Variants in DNAAF9 observed in about 807,000 individuals in gnomAD.
DNAAF9 encodes shulin.
A neutral mutation model predicts 167.0 loss-of-function variants in DNAAF9; 90 were observed. The ratio of observed to expected loss-of-function variants is 0.54; its 90% CI spans 0.45 to 0.64. The LOEUF is 0.64. Ranked by LOEUF, DNAAF9 falls within the 30% of genes least tolerant of loss-of-function variation. DNAAF9 has a pLI of 0.00. For missense variants in DNAAF9, 1,315 were observed against 1,442.2 expected (o/e 0.91, Z 1.43); for synonymous variants, 491 against 508.8 (o/e 0.96, Z 0.47).
At position 3,332,436 on chromosome 20, in the gene DNAAF9, A is replaced by G. The variant is rs1023031493; in HGVS notation, c.982-75T>C. 75 of 754,878 alleles carry G rather than the reference A, an allele frequency of 9.9e-5. 2 individuals are homozygous for G. In the South Asian group the frequency reaches 1.1e-3, roughly 12 times the overall value. 46.8% of individuals were successfully genotyped at this position (754,878 alleles called of 1,614,324 possible). On this transcript the variant is annotated intron_variant, in intron 10 of 36. Transcript: ENST00000252032. ...GTACTAGTAGATAAACAAAAAGTAT[A>G]GAGTCAATGGAAATAAATTTTCTTT...
At chr20:3,278,113 G>T (rs894683646) in intron 29 of DNAAF9, among the ~76,000 whole-genome samples, 1 of 152,176 alleles carries the variant, frequency 6.6e-6, no homozygotes, top group Non-Finnish European at 1.5e-5. Flanking sequence ...CAGATAATAT[G>T]ACTAGAAAGT....
At position 3,315,058 on chromosome 20, in the gene DNAAF9, G is replaced by A; in HGVS notation, c.1653C>T (p.Ser551=). 1 of 1,609,832 alleles carries A rather than the reference G, an allele frequency of 6.2e-7. No homozygotes were observed. Among genetic ancestry groups the A allele is most frequent in the Non-Finnish European group, 8.5e-7 (1 of 1,176,092 alleles). ...CTTCCTCAGGCCAGGACTGTAGATT[G>A]CTGGAATAAAGATATGCTCCTTCTC... ...TGGEGAYLYS[S]NLQSWPEEGN... Residue 551 remains serine, a synonymous_variant, in exon 20 of 37, where the codon AGC becomes AGT. Transcript: ENST00000252032. The surrounding 1 kb of genome is among the most constrained non-coding windows in gnomAD (Gnocchi z 4.1).
chr20:3,400,378 T>C (rs1020030632), intron 1 of DNAAF9, among the ~76,000 whole-genome samples: 1 of 152,174 alleles, frequency 6.6e-6, no homozygotes, highest in Non-Finnish European at 1.5e-5. Context: ...AAATCTATTA[T>C]ACCAATATTA....
rs2069116583 is a variant in DNAAF9 at position 3,298,158 on chromosome 20, A to G, written c.1800T>C (p.Val600=). The G allele has an allele frequency of 6.2e-7, 1 of 1,613,842 alleles. No individual in the cohort carries two copies. The highest frequency in any genetic ancestry group is 8.5e-7 in the Non-Finnish European group (1 of 1,179,886). ...SFYDGDSTST[V]AALLIDFKSS... Reference sequence around the variant, plus strand: ...TTTTGAAGTCTATGAGAAGAGCAGCAACAGTACTGGTGGAATCCTAAAGCG... The same window carrying G: ...TTTTGAAGTCTATGAGAAGAGCAGCGACAGTACTGGTGGAATCCTAAAGCG... Residue 600 remains valine (V), a synonymous_variant, in exon 22 of 37, where the codon GTT becomes GTC. Coordinates refer to ENST00000252032, the MANE Select transcript of DNAAF9 (RefSeq NM_001009984.3).
At chr20:3,378,255 A>T (rs2083601637) in intron 3 of DNAAF9, among the ~76,000 whole-genome samples, 1 of 152,178 alleles carries the variant, frequency 6.6e-6, no homozygotes, top group Non-Finnish European at 1.5e-5. Flanking sequence ...CAGTGTCTAA[A>T]GCTCTCAGCT....
At chr20:3,381,701 TG>T (rs1664860051) in intron 2 of DNAAF9, among the ~76,000 whole-genome samples, 1 of 152,196 alleles carries the variant, frequency 6.6e-6, no homozygotes, top group South Asian at 2.1e-4. Flanking sequence ...TCCAACGTCT[TG>T]TAATTGAGAT....
chr20:3,295,502 C>A, intron 23 of DNAAF9: 1 of 292,180 alleles, frequency 3.4e-6, no homozygotes, highest in Non-Finnish European at 6.7e-6. Flanking sequence ...TTAAAGAAGC[C>A]CAAACACATT....
intron 36 of DNAAF9, among the ~76,000 whole-genome samples, chr20:3,253,216 A>G (rs944255448): frequency 6.6e-6 from 1 of 152,104 alleles, no homozygotes; most frequent in African/African-American, 2.4e-5. Flanking sequence ...CTGAGGTGGG[A>G]GGATCACCTG....
intron 20 of DNAAF9, among the ~76,000 whole-genome samples, chr20:3,305,519 T>C (rs1426179401): frequency 6.6e-6 from 1 of 152,192 alleles, no homozygotes; most frequent in Admixed American, 6.5e-5. Flanking sequence ...ATTCCTTAAG[T>C]TGTAGCTCCA....
chr20:3,262,833 C>A (rs2068416206), intron 31 of DNAAF9, among the ~76,000 whole-genome samples: 1 of 152,038 alleles, frequency 6.6e-6, no homozygotes, highest in African/African-American at 2.4e-5. Flanking sequence ...AAGAAATGAC[C>A]CACTTACTCA....
Position 3,294,182 on chromosome 20 carries a change from TGCA to T in DNAAF9, c.2192_2194del (p.Leu731del). 1 of 1,612,606 alleles carries T rather than the reference TGCA, an allele frequency of 6.2e-7. No homozygotes were observed. The highest frequency in any genetic ancestry group is 8.5e-7 in the Non-Finnish European group (1 of 1,178,630). On this transcript the variant is annotated inframe_deletion, in exon 25 of 37. Coordinates refer to ENST00000252032, the MANE Select transcript of DNAAF9 (RefSeq NM_001009984.3). ...GTGAGTAGTGTTGATTTCAGCTTGC[TGCA>T]GCAGCACAGGAAGATGGGTCCGCAT...
At chr20:3,289,525 T>C (rs1288230879) in intron 26 of DNAAF9, among the ~76,000 whole-genome samples, 1 of 152,082 alleles carries the variant, frequency 6.6e-6, no homozygotes, top group Non-Finnish European at 1.5e-5. Flanking sequence ...TCTGTTTTTT[T>C]GTTTTGTTTT....
chr20:3,361,959 T>C, intron 6 of DNAAF9: 1 of 1,538,102 alleles, frequency 6.5e-7, no homozygotes, highest in Non-Finnish European at 9.0e-7. Flanking sequence ...CCGAAACTCT[T>C]GCAGGACAAC....
At chr20:3,304,610 C>T (rs1051937033) in intron 20 of DNAAF9, 67 bp from the exon 21 acceptor site, 1 of 757,114 alleles carries the variant, frequency 1.3e-6, no homozygotes, top group Non-Finnish European at 2.4e-6. Flanking sequence ...CCAATGTCCT[C>T]TTGTACAGCA....
chr20:3,298,060 T>A lies in DNAAF9; in HGVS notation c.1898A>T (p.Lys633Ile). 1.2e-6 allele frequency: 2 copies of A among 1,613,444 alleles called. No individual in the cohort carries two copies. The highest frequency in any genetic ancestry group is 1.1e-5 in the South Asian group (1 of 91,074). The stretch of plus-strand genomic sequence containing the variant: ...GTAAAATGCTTGGTATATCTTCGAT[T>A]TGGGGAAAAGGGCAATCATCAGAAA... ...SNFLMIALFP[K>I]SKIYQAFYSE... Residue 633 changes from lysine to isoleucine, a missense_variant, in exon 22 of 37, where the codon AAA (lysine) becomes ATA (isoleucine). Physicochemically the swap from Lys to Ile is moderately radical, Grantham distance 102 (BLOSUM62 -3). Around this residue, in one of 2 missense-constraint regions of DNAAF9, gnomAD observed 981 missense variants for 1,012.5 expected, o/e 0.97. Transcript: ENST00000252032.
intron 7 of DNAAF9, 123 bp from the exon 8 acceptor site, chr20:3,348,746 G>A: frequency 1.8e-6 from 1 of 548,282 alleles, no homozygotes; most frequent in South Asian, 3.1e-5. Flanking sequence ...TATTTTACAA[G>A]GTAGTAGCAA....
intron 25 of DNAAF9, among the ~76,000 whole-genome samples, chr20:3,290,456 T>C (rs1203629884): frequency 1.3e-5 from 2 of 152,206 alleles, no homozygotes; most frequent in East Asian, 3.8e-4. Flanking sequence ...AAATACCATA[T>C]AAAATGTAGT....
At position 3,296,886 on chromosome 20, in the gene DNAAF9, C is replaced by G; in HGVS notation, c.1993G>C (p.Gly665Arg). The G allele has an allele frequency of 6.2e-7, 1 of 1,610,754 alleles. No individual in the cohort carries two copies. Among genetic ancestry groups the G allele is most frequent in the Non-Finnish European group, 8.5e-7 (1 of 1,176,978 alleles). ...GISLKVIQED[G>R]LSVEQKRLHS... ...AATCTCTTTTGTTCCACAGATAATC[C>G]ATCTTCCTGGATCACTTTTAAAGAG... The change falls in exon 23 of 37, where the codon GGA becomes CGA. Residue 665 changes from glycine to arginine, a missense_variant. By Grantham distance (125) the Gly-to-Arg change is moderately radical. This residue lies in a region of DNAAF9 where 981 missense variants were observed against 1,012.5 expected (regional missense o/e 0.97). Transcript: ENST00000252032.
intron 21 of DNAAF9, 39 bp downstream of exon 21, chr20:3,304,401 T>C (rs760848065): frequency 2.2e-6 from 2 of 910,580 alleles, no homozygotes; most frequent in Non-Finnish European, 3.7e-6. Flanking sequence ...TGTGAGCAAC[T>C]TTCCGACCAA....
Sources: gnomAD v4.1 joint callset for allele counts (sites outside exome capture counted in the v4.1 genomes callset) on GRCh38, gnomAD v4.1.1 for gene constraint, gnomAD v4.1.1 regional missense constraint, Gnocchi (gnomAD v3.1) non-coding constraint, MANE v1.5 for transcripts, NCBI Gene and HGNC (gene_info 2026-07-23, HGNC 2026-07-21) for gene names.